Variants in NPFFR2 observed in about 807,000 individuals in gnomAD.
NPFFR2 encodes G-protein coupled receptor 74.
A neutral mutation model predicts 13.1 loss-of-function variants in NPFFR2; 15 were observed. The ratio of observed to expected loss-of-function variants is 1.15; its 90% confidence interval spans 0.77 to 1.76. The LOEUF (loss-of-function observed/expected upper bound fraction) is 1.76. NPFFR2 is among the 40% of genes most tolerant of loss of function. The probability of loss-of-function intolerance (pLI) is 0.00; values close to 1 mark genes in which losing one functional copy is unlikely to be tolerated. For missense variants in NPFFR2, 572 were observed against 503.5 expected (o/e 1.14, Z -1.30); for synonymous variants, 190 against 175.7 (o/e 1.08, Z -0.65).
At chr4:72,064,396 C>T (rs1242190782) in intron 1 of NPFFR2, among the ~76,000 whole-genome samples, 1 of 152,218 alleles carries the variant, frequency 6.6e-6, no homozygotes, top group Non-Finnish European at 1.5e-5. Context: ...CCTCAGTTCC[C>T]TGCCACCCTC....
At chr4:72,133,006 A>G (rs1008691681) in intron 2 of NPFFR2, among the ~76,000 whole-genome samples, 10 of 152,012 alleles carry the variant, frequency 6.6e-5, no homozygotes, top group Non-Finnish European at 1.3e-4. Context: ...TTAATTATTA[A>G]TAGATTCCAT....
chr4:72,095,693 A>G (rs1721045902), intron 1 of NPFFR2, among the ~76,000 whole-genome samples: 1 of 152,082 alleles, frequency 6.6e-6, no homozygotes, highest in South Asian at 2.1e-4. Flanking sequence ...AGTACTGCTC[A>G]CTCTTATCAT....
At chr4:72,058,324 A>C (rs939150222) in intron 1 of NPFFR2, among the ~76,000 whole-genome samples, 1 of 152,008 alleles carries the variant, frequency 6.6e-6, no homozygotes, top group Non-Finnish European at 1.5e-5. Flanking sequence ...GGGGATTCTG[A>C]AAAGTATGTG....
At chr4:72,073,693 A>G (rs1199511358) in intron 1 of NPFFR2, among the ~76,000 whole-genome samples, 1 of 152,060 alleles carries the variant, frequency 6.6e-6, no homozygotes, top group Non-Finnish European at 1.5e-5. Context: ...TATGTTTCTT[A>G]AAACACAATG....
chr4:72,034,360 G>A (rs927437031), intron 1 of NPFFR2, among the ~76,000 whole-genome samples: 3 of 152,132 alleles, frequency 2.0e-5, no homozygotes, highest in Admixed American at 6.5e-5. Context: ...AAGCAAACAC[G>A]TTCTCTTTCA....
intron 1 of NPFFR2, among the ~76,000 whole-genome samples, chr4:72,075,962 C>CAG: frequency 6.9e-5 from 1 of 14,424 alleles, no homozygotes; most frequent in Non-Finnish European, 9.5e-4. Context: ...CTCTGTCACA[C>CAG]ACACACACAC....
intron 1 of NPFFR2, among the ~76,000 whole-genome samples, chr4:72,062,290 C>T (rs1035663577): frequency 1.2e-4 from 19 of 152,028 alleles, no homozygotes; most frequent in African/African-American, 4.6e-4. Flanking sequence ...AAAAATGCCA[C>T]AGGTCTTTTT....
chr4:72,107,505 C>T (rs549236642), intron 1 of NPFFR2, among the ~76,000 whole-genome samples: 2 of 151,810 alleles, frequency 1.3e-5, no homozygotes, highest in South Asian at 4.2e-4. Flanking sequence ...TCTTTCTTTC[C>T]TTTTCCCTTA....
chr4:72,055,813 G>A (rs2109769811), intron 1 of NPFFR2, among the ~76,000 whole-genome samples: 1 of 152,060 alleles, frequency 6.6e-6, no homozygotes, highest in Non-Finnish European at 1.5e-5. Flanking sequence ...GAGTCATCTG[G>A]ATAGAAAATC....
At chr4:72,035,351 G>A (rs896068573) in intron 1 of NPFFR2, among the ~76,000 whole-genome samples, 1 of 152,232 alleles carries the variant, frequency 6.6e-6, no homozygotes, top group Non-Finnish European at 1.5e-5. Flanking sequence ...GGGAGGAAAT[G>A]ACCTAAAAGC....
At chr4:72,047,115 A>G (rs1719400864) in intron 1 of NPFFR2, among the ~76,000 whole-genome samples, 1 of 151,772 alleles carries the variant, frequency 6.6e-6, no homozygotes, top group Non-Finnish European at 1.5e-5. Context: ...TAAAGATTGT[A>G]TAATAAAATA....
At chr4:72,106,747 C>G (rs1462960848) in intron 1 of NPFFR2, among the ~76,000 whole-genome samples, 3 of 151,912 alleles carry the variant, frequency 2.0e-5, no homozygotes, top group African/African-American at 4.8e-5. Flanking sequence ...AACGGGGCAT[C>G]CTTGTTGGAA....
chr4:72,086,853 A>G (rs1425051716), intron 1 of NPFFR2, among the ~76,000 whole-genome samples: 1 of 152,102 alleles, frequency 6.6e-6, no homozygotes, highest in Non-Finnish European at 1.5e-5. Context: ...CATGTTTAAT[A>G]AAGAGTTATG....
At chr4:72,145,385 A>G (rs1475042709) in intron 3 of NPFFR2, among the ~76,000 whole-genome samples, 1 of 151,128 alleles carries the variant, frequency 6.6e-6, no homozygotes, top group Non-Finnish European at 1.5e-5. Flanking sequence ...TTTATTGTTA[A>G]TAGTGTCTGC....
chr4:72,032,301 A>T, intron 1 of NPFFR2, 101 bp downstream of exon 1: 1 of 1,285,692 alleles, frequency 7.8e-7, no homozygotes, highest in Non-Finnish European at 1.1e-6. Context: ...GCGATTGTGG[A>T]CCGACACCTT....
intron 1 of NPFFR2, chr4:72,039,053 G>GTTTTTTGTTT (rs1407917556): frequency 1.3e-5 from 1 of 76,334 alleles, no homozygotes; most frequent in Admixed American, 1.4e-4. Flanking sequence ...TGGCGCCTGG[G>GTTTTTTGTTT]TTTTTTGTTT....
intron 1 of NPFFR2, among the ~76,000 whole-genome samples, chr4:72,043,479 C>T (rs1252644358): frequency 1.3e-5 from 2 of 152,252 alleles, no homozygotes; most frequent in African/African-American, 4.8e-5. Flanking sequence ...GGGGGCTGTG[C>T]CCTGCGAAGC....
At chr4:72,090,869 T>C (rs1720898368) in intron 1 of NPFFR2, among the ~76,000 whole-genome samples, 1 of 152,144 alleles carries the variant, frequency 6.6e-6, no homozygotes, top group South Asian at 2.1e-4. Flanking sequence ...GAAATAGAAG[T>C]GGTGAAAGTG....
At chr4:72,032,689 T>C (rs570691885) in intron 1 of NPFFR2, among the ~76,000 whole-genome samples, 21 of 152,338 alleles carry the variant, frequency 1.4e-4, no homozygotes, top group African/African-American at 2.9e-4. Context: ...AGAGTCCTTA[T>C]TGAAGGCGTT....
Sources: gnomAD v4.1 joint callset for allele counts (sites outside exome capture counted in the v4.1 genomes callset) on GRCh38, gnomAD v4.1.1 for gene constraint, MANE v1.5 for transcripts, NCBI Gene and HGNC (gene_info 2026-07-23, HGNC 2026-07-21) for gene names.